The following ABCB11 variants were observed in gnomAD, a reference collection of about 807,000 sequenced individuals.
The protein encoded by ABCB11 is ATP binding cassette subfamily B member 11.
A neutral mutation model predicts 148.0 loss-of-function variants in ABCB11; 95 were observed. The observed-to-expected ratio is 0.64, with a 90% confidence interval of 0.54 to 0.76. The LOEUF is 0.76. Ranked by LOEUF, ABCB11 falls within the 30% of genes least tolerant of loss-of-function variation. The probability of loss-of-function intolerance (pLI) is 0.00; values close to 1 mark genes in which losing one functional copy is unlikely to be tolerated. For synonymous variants in ABCB11, 591 were observed against 555.4 expected (o/e 1.06, Z -0.90); for missense variants, 1,523 against 1,617.8 (o/e 0.94, Z 1.01).
At chr2:169,015,425 C>T (rs1695323943) in intron 3 of ABCB11, among the ~76,000 whole-genome samples, 1 of 152,112 alleles carries the variant, frequency 6.6e-6, no homozygotes, top group South Asian at 2.1e-4. Flanking sequence ...TGGCCCTTGG[C>T]TCTCTGACCT....
chr2:168,970,176 T>C lies in ABCB11; in HGVS notation c.1678A>G (p.Ser560Gly). Reference sequence around the variant, plus strand: ...GCTACCCTTTGTTTCTGGCCACCACTCATCTGGCCTCCTCCTTCTCCAACA... The same window carrying C: ...GCTACCCTTTGTTTCTGGCCACCACCCATCTGGCCTCCTCCTTCTCCAACA... ...TLVGEGGGQM[S>G]GGQKQRVAIA... is the part of the protein sequence containing the mutation. Residue 560 changes from serine (S) to glycine (G), a missense_variant, in exon 15 of 28, where the codon AGT (serine) becomes GGT (glycine). Coordinates refer to ENST00000650372, the MANE Select transcript of ABCB11 (RefSeq NM_003742.4). 1 of 1,612,576 alleles carries C rather than the reference T, an allele frequency of 6.2e-7. No homozygotes were observed. Among genetic ancestry groups the C allele is most frequent in the Non-Finnish European group, 8.5e-7 (1 of 1,179,130 alleles).
intron 21 of ABCB11, among the ~76,000 whole-genome samples, chr2:168,939,480 A>T (rs1228525782): frequency 6.6e-6 from 1 of 152,068 alleles, no homozygotes; most frequent in Non-Finnish European, 1.5e-5. Flanking sequence ...ATATGGTTAT[A>T]TTAGGGATAT....
At chr2:168,981,185 T>C (rs1348879131) in intron 10 of ABCB11, among the ~76,000 whole-genome samples, 3 of 152,248 alleles carry the variant, frequency 2.0e-5, no homozygotes, top group Admixed American at 6.5e-5. Context: ...GTCTGAACCA[T>C]GGAAAGTGTC....
chr2:168,977,868 A>G (rs142291366), intron 11 of ABCB11, among the ~76,000 whole-genome samples: 3 of 152,220 alleles, frequency 2.0e-5, no homozygotes, highest in South Asian at 2.1e-4. Context: ...CTGTGATCCA[A>G]TGACTTCCCA....
chr2:168,936,203 A>G, intron 22 of ABCB11, 27 bp downstream of exon 22: 2 of 1,603,770 alleles, frequency 1.2e-6, no homozygotes, highest in Non-Finnish European at 1.7e-6. Context: ...GCCATGAGGA[A>G]TGGGAAAATT....
chr2:168,924,861 C>T (rs1691236091), intron 26 of ABCB11, 58 bp from the exon 27 acceptor site: 1 of 1,452,866 alleles, frequency 6.9e-7, no homozygotes, highest in Non-Finnish European at 9.4e-7. Context: ...CTGTGCTGTA[C>T]TGAACTCATG....
In ABCB11 at chr2:168,986,320, A is replaced by C. The variant is rs768724649; in HGVS notation, c.909-36T>G. The C allele has an allele frequency of 3.8e-6, 6 of 1,563,056 alleles. No homozygotes were observed. The Admixed American group carries it at 1.0e-4, about 26-fold the overall frequency. On this transcript the variant is annotated intron_variant, in intron 9 of 27. Transcript: ENST00000650372. The stretch of plus-strand genomic sequence containing the variant: ...AAAATGCTTGAGTCAATTTCGGCAG[A>C]AACAGCTCAAGTTATAATGTTTAAA...
chr2:169,008,128 T>C (rs73020800), intron 5 of ABCB11, among the ~76,000 whole-genome samples: 18,927 of 152,172 alleles, frequency 0.12, 1,921 homozygotes, highest in African/African-American at 0.28. Context: ...TTCCACTTCC[T>C]GCTCCCTAGG....
At position 168,923,692 on chromosome 2, in the gene ABCB11, G is replaced by C. The variant is rs1036187822; in HGVS notation, c.3896C>G (p.Thr1299Ser). 1.2e-6 allele frequency: 2 copies of C among 1,613,680 alleles called. No individual in the cohort carries two copies. The highest frequency in any genetic ancestry group is 8.5e-7 in the Non-Finnish European group (1 of 1,179,828). Residue 1299 changes from threonine to serine, a missense_variant, in exon 28 of 28, where the codon ACC (threonine) becomes AGC (serine). By Grantham distance (58) the Thr-to-Ser change is moderately conservative. Coordinates refer to ENST00000650372, the MANE Select transcript of ABCB11 (RefSeq NM_003742.4). The stretch of plus-strand genomic sequence containing the variant: ...TTTTTGGGCCATCAGTTCTTCATGG[G>C]TCCCCTTTTCAATCACCACCCCCTG... ...MAQGVVIEKG[T>S]HEELMAQKGA...
At chr2:168,930,585 A>G in intron 25 of ABCB11, 80 bp downstream of exon 25, 2 of 1,224,644 alleles carry the variant, frequency 1.6e-6, no homozygotes, top group South Asian at 5.3e-5. Context: ...AGTCTGGCAA[A>G]GCAAAAACTT....
At chr2:168,927,629 C>T (rs969861745) in intron 25 of ABCB11, among the ~76,000 whole-genome samples, 64 of 152,236 alleles carry the variant, frequency 4.2e-4, no homozygotes, top group Non-Finnish European at 8.1e-4. Flanking sequence ...ACGAGAAAGA[C>T]GCTCAGGTAT....
intron 19 of ABCB11, among the ~76,000 whole-genome samples, chr2:168,956,856 A>G (rs1297190342): frequency 1.3e-5 from 2 of 151,556 alleles, no homozygotes; most frequent in Non-Finnish European, 3.0e-5. Flanking sequence ...CATAGCCAAG[A>G]TTGTGAAAGC....
At position 168,971,871 on chromosome 2, in the gene ABCB11, G is replaced by A. The variant is rs779102705; in HGVS notation, c.1614C>T (p.Tyr538=). 4 of 1,612,802 alleles carry A rather than the reference G, an allele frequency of 2.5e-6. No individual in the cohort carries two copies. The change falls in exon 14 of 28, where the codon TAC becomes TAT. Residue 538 remains tyrosine, a synonymous_variant. Coordinates refer to ENST00000650372, the MANE Select transcript of ABCB11 (RefSeq NM_003742.4). ...CCTGTGGCAGGTCCATGATGAAGTT[G>A]TAGGCATTGGCCTCCTTGGCAGCTT... is the stretch of plus-strand genomic sequence containing the variant. The part of the protein sequence containing the change: ...IVQAAKEANA[Y]NFIMDLPQQF...
At chr2:168,973,557 T>C (rs547554879) in intron 13 of ABCB11, among the ~76,000 whole-genome samples, 158 bp downstream of exon 13, 1 of 152,074 alleles carries the variant, frequency 6.6e-6, no homozygotes, top group Non-Finnish European at 1.5e-5. Flanking sequence ...ACTGTTACCA[T>C]GTAGGAAGCG....
At chr2:168,943,924 G>GT (rs199666154) in intron 21 of ABCB11, among the ~76,000 whole-genome samples, 1 of 151,706 alleles carries the variant, frequency 6.6e-6, no homozygotes, top group African/African-American at 2.4e-5. Context: ...TTAAATTAGG[G>GT]TTTTTTAAAA....
chr2:169,011,277 A>C (rs1270593018), intron 5 of ABCB11, among the ~76,000 whole-genome samples: 2 of 152,212 alleles, frequency 1.3e-5, no homozygotes, highest in African/African-American at 4.8e-5. Context: ...GTCAATTTAC[A>C]TCACACATAG....
At chr2:168,956,894 C>G (rs1692819995) in intron 19 of ABCB11, among the ~76,000 whole-genome samples, 1 of 151,646 alleles carries the variant, frequency 6.6e-6, no homozygotes, top group African/African-American at 2.4e-5. Flanking sequence ...ATGTTTCTCT[C>G]TTACTGTTTG....
At position 168,935,440 on chromosome 2, in the gene ABCB11, A is replaced by T; in HGVS notation, c.2815-15T>A. The T allele has an allele frequency of 1.2e-6, 2 of 1,606,232 alleles. No individual in the cohort carries two copies. The highest frequency in any genetic ancestry group is 8.5e-7 in the Non-Finnish European group (1 of 1,175,366). On this transcript the variant is annotated splice_polypyrimidine_tract_variant and intron_variant, in intron 22 of 27. Coordinates refer to ENST00000650372, the MANE Select transcript of ABCB11 (RefSeq NM_003742.4). ...TCATTTGTAATCTGAAGATTGAAAA[A>T]GAGTCTTAGGAATACAAGGGCAGAA...
chr2:168,960,626 C>G (rs997717217), intron 18 of ABCB11, among the ~76,000 whole-genome samples: 1 of 151,570 alleles, frequency 6.6e-6, no homozygotes, highest in Non-Finnish European at 1.5e-5. Context: ...TTCTTTGGTT[C>G]CTCTATACTA....
Sources: allele counts gnomAD v4.1 joint callset (sites outside exome capture counted in the v4.1 genomes callset), GRCh38; gene constraint gnomAD v4.1.1; transcripts MANE v1.5; gene names NCBI Gene and HGNC (gene_info 2026-07-23, HGNC 2026-07-21).